TCF4: variants seen among roughly 807,000 people sequenced by gnomAD.
The protein encoded by TCF4 is transcription factor 4, also known as SL3-3 enhancer factor 2.
Under a neutral mutation model 82.1 loss-of-function variants are expected in TCF4, and 3 were observed. The ratio of observed to expected loss-of-function variants is 0.04; its 90% CI spans 0.02 to 0.09. The LOEUF (loss-of-function observed/expected upper bound fraction) is 0.09. Among genes scored for constraint, TCF4 ranks in the 10% least tolerant of loss-of-function variants. The probability of loss-of-function intolerance (pLI) is 1.00; values close to 1 mark genes in which losing one functional copy is unlikely to be tolerated. For synonymous variants in TCF4, 276 were observed against 309.6 expected (o/e 0.89, Z 1.14); for missense variants, 518 against 852.7 (o/e 0.61, Z 4.89).
At chr18:55,416,601 GAACTT>G (rs1418774146) in intron 5 of TCF4, among the ~76,000 whole-genome samples, 1 of 152,134 alleles carries the variant, frequency 6.6e-6, no homozygotes, top group African/African-American at 2.4e-5. Context: ...AAACTTGAGA[GAACTT>G]AATTTATAGA....
At chr18:55,476,903 G>C (rs2096301465) in intron 3 of TCF4, among the ~76,000 whole-genome samples, 1 of 152,142 alleles carries the variant, frequency 6.6e-6, no homozygotes, top group Non-Finnish European at 1.5e-5. Flanking sequence ...TCTCTTACTT[G>C]GGCTTATAAA....
At chr18:55,510,262 T>G (rs1443621504) in intron 3 of TCF4, among the ~76,000 whole-genome samples, 2 of 152,194 alleles carry the variant, frequency 1.3e-5, no homozygotes, top group African/African-American at 4.8e-5. Context: ...GGATCCAGAA[T>G]GGTTTCCATT....
chr18:55,379,207 T>G (rs761855488), intron 6 of TCF4, among the ~76,000 whole-genome samples: 5 of 152,184 alleles, frequency 3.3e-5, no homozygotes, highest in Non-Finnish European at 7.4e-5. Flanking sequence ...AGGTAGCATC[T>G]TAGCAGGGGT....
intron 15 of TCF4, among the ~76,000 whole-genome samples, chr18:55,241,598 G>A: frequency 6.6e-6 from 1 of 152,194 alleles, no homozygotes; most frequent in East Asian, 1.9e-4. Context: ...TCATGCTGCT[G>A]ACCTCCACAC....
intron 3 of TCF4, among the ~76,000 whole-genome samples, chr18:55,466,989 C>A (rs1207971751): frequency 6.6e-6 from 1 of 152,182 alleles, no homozygotes; most frequent in East Asian, 1.9e-4. Context: ...CACGCTGCTG[C>A]ACCTTTCTTT....
intron 6 of TCF4, among the ~76,000 whole-genome samples, chr18:55,397,652 A>G (rs945288170): frequency 1.3e-5 from 2 of 152,216 alleles, no homozygotes; most frequent in Non-Finnish European, 2.9e-5. Context: ...TAAGAAAGCT[A>G]CTGAAGACAT....
Position 55,464,068 on chromosome 18 carries a change from A to G in TCF4, c.207+8T>C. 6.2e-7 allele frequency: 1 copy of G among 1,613,662 alleles called. No individual in the cohort carries two copies. The highest frequency in any genetic ancestry group is 8.5e-7 in the Non-Finnish European group (1 of 1,179,704). ...CTGGTTGTGGGAGAAAAGATTAGAT[A>G]TACTTACCCTGGACGGGCTTGGATG... On this transcript the variant is annotated splice_region_variant and intron_variant, in intron 4 of 19. Coordinates refer to ENST00000354452, the MANE Select transcript of TCF4 (RefSeq NM_001083962.2).
intron 5 of TCF4, among the ~76,000 whole-genome samples, chr18:55,436,866 C>T (rs920178526): frequency 8.5e-5 from 13 of 152,212 alleles, no homozygotes; most frequent in African/African-American, 2.4e-4. Flanking sequence ...CTCATAAAAT[C>T]AAACAACTTG....
chr18:55,437,708 C>T (rs369813461), intron 5 of TCF4, among the ~76,000 whole-genome samples: 1 of 152,288 alleles, frequency 6.6e-6, no homozygotes, highest in East Asian at 1.9e-4. Flanking sequence ...ATCTCACAGA[C>T]GGAGCCCAGG....
At chr18:55,562,859 A>T (rs946465653) in intron 3 of TCF4, among the ~76,000 whole-genome samples, 1 of 152,332 alleles carries the variant, frequency 6.6e-6, no homozygotes, top group East Asian at 1.9e-4. Flanking sequence ...TTAACCAGAG[A>T]TAGGTAGATA....
intron 8 of TCF4, among the ~76,000 whole-genome samples, chr18:55,335,673 A>C (rs2078475311): frequency 6.6e-6 from 1 of 152,174 alleles, no homozygotes; most frequent in Non-Finnish European, 1.5e-5. Context: ...AGACATTATA[A>C]TTACTCTATG....
upstream of TCF4, among the ~76,000 whole-genome samples, chr18:55,589,058 T>G (rs1369177224): frequency 2.0e-5 from 3 of 152,138 alleles, no homozygotes; most frequent in Non-Finnish European, 2.9e-5. Flanking sequence ...AAGCGTGCTT[T>G]ATCCGGTATA....
At chr18:55,280,186 C>T (rs1471924515) in intron 8 of TCF4, among the ~76,000 whole-genome samples, 1 of 152,082 alleles carries the variant, frequency 6.6e-6, no homozygotes, top group African/African-American at 2.4e-5. Flanking sequence ...ATATTAAATT[C>T]CCATAGTGTC....
At chr18:55,351,123 A>G in intron 6 of TCF4, 120 bp from the exon 7 acceptor site, 3 of 1,268,630 alleles carry the variant, frequency 2.4e-6, no homozygotes, top group Non-Finnish European at 3.3e-6. Flanking sequence ...CTAAGCTGAG[A>G]CAATTAAAAC....
Position 55,261,517 on chromosome 18 carries a change from C to T in TCF4, c.939G>A (p.Gly313=), listed in dbSNP as rs1470608351. 3.1e-6 allele frequency: 5 copies of T among 1,613,904 alleles called. No individual in the cohort carries two copies. The highest frequency in any genetic ancestry group is 4.2e-6 in the Non-Finnish European group (5 of 1,179,864). The change falls in exon 12 of 20, where the codon GGG becomes GGA. Residue 313 remains glycine, a synonymous_variant. Coordinates refer to ENST00000354452, the MANE Select transcript of TCF4 (RefSeq NM_001083962.2). ...CTCCAGTCTGGGAGCTGCCGGCTGC[C>T]CCGCTTCCTCTATTTGCTGCAAAAA... ...TDSIMANRGS[G]AAGSSQTGDA... is the part of the protein sequence containing the mutation.
At chr18:55,289,103 C>A (rs2064396809) in intron 8 of TCF4, among the ~76,000 whole-genome samples, 1 of 152,132 alleles carries the variant, frequency 6.6e-6, no homozygotes, top group Non-Finnish European at 1.5e-5. Context: ...AGTACCTTGG[C>A]CCTAGCTGAG....
In TCF4 at chr18:55,403,116, C is replaced by T. The variant is rs531891237; in HGVS notation, c.369+338G>A. On this transcript the variant is annotated intron_variant, in intron 6 of 19. Transcript: ENST00000354452. Reference sequence around the variant, plus strand: ...ACATGACTCCGCGAAGTATTTCCTGCGTAAGAAATTCTTAAGTTCTTAATT... The same window carrying T: ...ACATGACTCCGCGAAGTATTTCCTGTGTAAGAAATTCTTAAGTTCTTAATT... Among the ~76,000 whole-genome samples, 10 of 152,208 alleles carry T rather than the reference C, an allele frequency of 6.6e-5. No individual in the cohort carries two copies. The South Asian group carries it at 2.1e-3, about 32-fold the overall frequency.
intron 8 of TCF4, among the ~76,000 whole-genome samples, chr18:55,320,201 AAAG>A (rs1431207369): frequency 7.2e-5 from 11 of 152,290 alleles, no homozygotes; most frequent in South Asian, 4.1e-4. Flanking sequence ...AAAAAAAAAA[AAAG>A]ATGTTACATA....
At chr18:55,354,921 G>C (rs897276658) in intron 6 of TCF4, among the ~76,000 whole-genome samples, 3 of 152,120 alleles carry the variant, frequency 2.0e-5, no homozygotes, top group African/African-American at 7.2e-5. Flanking sequence ...CTCCCATTAC[G>C]TTGTGATCCG....
Sources: gnomAD v4.1 joint callset for allele counts (sites outside exome capture counted in the v4.1 genomes callset) on GRCh38, gnomAD v4.1.1 for gene constraint, MANE v1.5 for transcripts, NCBI Gene and HGNC (gene_info 2026-07-23, HGNC 2026-07-21) for gene names.